The following CNTN6 variants were observed in gnomAD, a reference collection of about 807,000 sequenced individuals.
CNTN6 encodes contactin-6.
Under a neutral mutation model 122.8 loss-of-function variants are expected in CNTN6, and 137 were observed. That is an observed-to-expected ratio of 1.12 (90% confidence interval 0.97 to 1.29). CNTN6 has a LOEUF of 1.29. Ranked by LOEUF, CNTN6 falls within the 50% of genes most tolerant of loss-of-function variation. CNTN6 has a pLI of 0.00. For synonymous variants in CNTN6, 570 were observed against 426.0 expected (o/e 1.34, Z -4.16); for missense variants, 1,634 against 1,223.4 (o/e 1.34, Z -5.01).
intron 17 of CNTN6, among the ~76,000 whole-genome samples, chr3:1,378,568 T>C (rs1361834281): frequency 6.6e-6 from 1 of 152,112 alleles, no homozygotes; most frequent in Non-Finnish European, 1.5e-5. Flanking sequence ...TGGAAGGTAG[T>C]GTTTTCAGAG....
chr3:1,300,585 GAAAGAA>G (rs1386968050), intron 7 of CNTN6, among the ~76,000 whole-genome samples: 1 of 120,946 alleles, frequency 8.3e-6, no homozygotes, highest in Non-Finnish European at 1.6e-5. Context: ...AAGAAAGAAA[GAAAGAA>G]AGAAAGAAAG....
At chr3:1,100,745 A>T (rs1330194192) in intron 1 of CNTN6, among the ~76,000 whole-genome samples, 1 of 151,986 alleles carries the variant, frequency 6.6e-6, no homozygotes. Flanking sequence ...AACAGTTTTA[A>T]TTTCTATAAT....
At chr3:1,192,057 T>A (rs1427216316) in intron 2 of CNTN6, among the ~76,000 whole-genome samples, 1 of 152,174 alleles carries the variant, frequency 6.6e-6, no homozygotes, top group Non-Finnish European at 1.5e-5. Flanking sequence ...CTCAAATAAC[T>A]CTTCAATCTG....
At chr3:1,370,857 A>G (rs1708912105) in intron 12 of CNTN6, among the ~76,000 whole-genome samples, 1 of 152,124 alleles carries the variant, frequency 6.6e-6, no homozygotes, top group Admixed American at 6.6e-5. Context: ...CAAAAATAAT[A>G]ATAACAAAAG....
intron 2 of CNTN6, among the ~76,000 whole-genome samples, chr3:1,171,646 T>G (rs2093359983): frequency 6.6e-6 from 1 of 152,166 alleles, no homozygotes; most frequent in African/African-American, 2.4e-5. Context: ...CTCACTCTGT[T>G]GCCCAGGCTG....
chr3:1,293,627 T>C (rs1168124969), intron 5 of CNTN6, among the ~76,000 whole-genome samples: 1 of 152,204 alleles, frequency 6.6e-6, no homozygotes, highest in South Asian at 2.1e-4. Context: ...GCTCTCTGTT[T>C]GGACAAGAGG....
rs1014073715 is a variant in CNTN6, at chr3:1,247,359, C to G, written c.358+19366C>G. 6.6e-5 allele frequency among the ~76,000 whole-genome samples: 10 copies of G among 151,998 alleles called. No homozygotes were observed. The East Asian group carries it at 9.7e-4, about 15-fold the overall frequency. ...CTATTGACCTCTTTTTTCTCTCTTC[C>G]TTTGTTGTATTTGTAAATGCCATAT... On this transcript the variant is annotated intron_variant, in intron 4 of 22. Transcript: ENST00000446702.
chr3:1,270,108 G>T (rs1226007380), intron 4 of CNTN6, among the ~76,000 whole-genome samples: 2 of 152,094 alleles, frequency 1.3e-5, no homozygotes, highest in East Asian at 3.8e-4. Context: ...GTTATGCTAG[G>T]AAACATAATA....
intron 12 of CNTN6, among the ~76,000 whole-genome samples, chr3:1,355,228 A>G (rs530588795): frequency 6.6e-6 from 1 of 151,770 alleles, no homozygotes; most frequent in East Asian, 1.9e-4. Flanking sequence ...TACATACTTA[A>G]CCACACAAAT....
At chr3:1,389,961 G>A (rs1288425081) in intron 20 of CNTN6, among the ~76,000 whole-genome samples, 1 of 150,190 alleles carries the variant, frequency 6.7e-6, no homozygotes, top group East Asian at 1.9e-4. Flanking sequence ...ATTAATAATG[G>A]GAGACTTTAA....
chr3:1,111,440 A>G (rs79821086), intron 1 of CNTN6, among the ~76,000 whole-genome samples: 109 of 152,324 alleles, frequency 7.2e-4, no homozygotes, highest in Non-Finnish European at 1.3e-3. Flanking sequence ...AGATTCAGAG[A>G]TGTAAAGTAA....
intron 1 of CNTN6, 29 bp downstream of exon 1, chr3:1,093,149 G>T (rs973565318): frequency 2.0e-5 from 5 of 248,422 alleles, no homozygotes; most frequent in Admixed American, 1.5e-4. Context: ...AAATTGTGCT[G>T]TGTCTGCTGC....
chr3:1,137,682 C>T (rs947303023), intron 1 of CNTN6, among the ~76,000 whole-genome samples: 1 of 152,176 alleles, frequency 6.6e-6, no homozygotes, highest in African/African-American at 2.4e-5. Flanking sequence ...TTATGAACCT[C>T]ATGAGGTAGA....
chr3:1,388,222 G>T (rs1347633692), intron 20 of CNTN6, among the ~76,000 whole-genome samples: 2 of 149,536 alleles, frequency 1.3e-5, no homozygotes, highest in African/African-American at 4.9e-5. Flanking sequence ...TCTGAGAACT[G>T]GCACACTGCC....
intron 8 of CNTN6, among the ~76,000 whole-genome samples, chr3:1,325,484 T>C (rs1701402348): frequency 6.6e-6 from 1 of 151,918 alleles, no homozygotes; most frequent in South Asian, 2.1e-4. Flanking sequence ...TTTTCTAACT[T>C]GACCTATGTT....
intron 1 of CNTN6, among the ~76,000 whole-genome samples, chr3:1,113,501 C>T (rs983777391): frequency 6.6e-6 from 1 of 152,064 alleles, no homozygotes; most frequent in Non-Finnish European, 1.5e-5. Flanking sequence ...AATATGCGAA[C>T]AACTTCATTG....
At chr3:1,147,714 T>C (rs558903378) in intron 1 of CNTN6, among the ~76,000 whole-genome samples, 2 of 152,236 alleles carry the variant, frequency 1.3e-5, no homozygotes, top group African/African-American at 4.8e-5. Context: ...TAATGTTTTC[T>C]AATATTTGAG....
At chr3:1,208,822 C>T (rs1486422919) in intron 2 of CNTN6, among the ~76,000 whole-genome samples, 1 of 152,126 alleles carries the variant, frequency 6.6e-6, no homozygotes, top group African/African-American at 2.4e-5. Flanking sequence ...TAACTTGATT[C>T]CTGGCACTTA....
chr3:1,370,691 T>C (rs1372334525), intron 12 of CNTN6, among the ~76,000 whole-genome samples: 5 of 151,784 alleles, frequency 3.3e-5, no homozygotes, highest in African/African-American at 9.7e-5. Flanking sequence ...TCTGCAAAAA[T>C]ACAAAAATTT....
Sources: allele counts gnomAD v4.1 joint callset (sites outside exome capture counted in the v4.1 genomes callset), GRCh38; gene constraint gnomAD v4.1.1; transcripts MANE v1.5; gene names NCBI Gene and HGNC (gene_info 2026-07-23, HGNC 2026-07-21).